The following ZNF365 variants were observed in gnomAD, a reference collection of about 807,000 sequenced individuals.
ZNF365 encodes the protein zinc finger protein 365.
A neutral mutation model predicts 35.0 loss-of-function variants in ZNF365; 22 were observed. That is an observed-to-expected ratio of 0.63 (90% CI 0.45 to 0.90). The LOEUF (loss-of-function observed/expected upper bound fraction) is 0.90, where lower values mean the gene tolerates loss of function less well. ZNF365 is among the 40% of genes least tolerant of loss of function. ZNF365 has a pLI of 0.00. For synonymous variants in ZNF365, 188 were observed against 196.2 expected, an observed-to-expected ratio of 0.96 and a Z score of 0.35; for missense variants, 448 against 500.3, an observed-to-expected ratio of 0.90 and a Z score of 1.00.
intron 3 of ZNF365, among the ~76,000 whole-genome samples, chr10:62,397,273 C>CT (rs66507720): frequency 2.0e-5 from 3 of 149,514 alleles, no homozygotes; most frequent in Admixed American, 6.6e-5. Flanking sequence ...CCTGAGCCTC[C>CT]TTTTTTTTTT....
intron 3 of ZNF365, among the ~76,000 whole-genome samples, chr10:62,439,305 G>A (rs1840456176): frequency 6.7e-6 from 1 of 149,636 alleles, no homozygotes; most frequent in African/African-American, 2.5e-5. Context: ...CCTTCATTGT[G>A]TTTATTCCAG....
chr10:62,389,824 G>A (rs1436707318), intron 3 of ZNF365, among the ~76,000 whole-genome samples: 1 of 152,218 alleles, frequency 6.6e-6, no homozygotes, highest in Non-Finnish European at 1.5e-5. Flanking sequence ...TTACATCTGT[G>A]AGGTTTCAGG....
chr10:62,474,864 A>G (rs956645328), intron 4 of ZNF365, among the ~76,000 whole-genome samples: 4 of 152,156 alleles, frequency 2.6e-5, no homozygotes, highest in African/African-American at 9.7e-5. Flanking sequence ...CTTGTCTCTG[A>G]TTGTATGTTT....
At chr10:62,434,883 T>C (rs1293965648) in intron 3 of ZNF365, among the ~76,000 whole-genome samples, 2 of 152,174 alleles carry the variant, frequency 1.3e-5, no homozygotes, top group African/African-American at 4.8e-5. Flanking sequence ...TCAGTATTAT[T>C]TATTGAGGAA....
chr10:62,469,594 T>G (rs946879716), intron 4 of ZNF365, among the ~76,000 whole-genome samples: 1 of 152,190 alleles, frequency 6.6e-6, no homozygotes, highest in South Asian at 2.1e-4. Context: ...TCTGTGAACT[T>G]TTTGAAGTCT....
At chr10:62,376,996 T>G (rs1839348703) in intron 2 of ZNF365, 60 bp downstream of exon 2, 2 of 1,535,102 alleles carry the variant, frequency 1.3e-6, no homozygotes, top group Admixed American at 4.1e-5. Flanking sequence ...CCAATCGCCT[T>G]ACAAGCAAAT....
At chr10:62,471,592 C>T (rs1343685822) in intron 4 of ZNF365, among the ~76,000 whole-genome samples, 1 of 152,078 alleles carries the variant, frequency 6.6e-6, no homozygotes, top group Non-Finnish European at 1.5e-5. Flanking sequence ...TGTTGATATT[C>T]ATATTAATTT....
In ZNF365 at chr10:62,399,652, A is replaced by G. The variant is rs200441783; in HGVS notation, c.1087A>G (p.Ile363Val). The change falls in exon 5 of 5, where the codon ATT becomes GTT. Residue 363 changes from isoleucine to valine, a missense_variant. Physicochemically the swap from Ile to Val is conservative, Grantham distance 29. Coordinates refer to ENST00000395254, the MANE Select transcript of ZNF365 (RefSeq NM_014951.3). ...DRASMQPAKA[I>V]HEQAESSRDL... ...AGCCAGCATGCAGCCTGCCAAGGCC[A>G]TTCACGAACAGGCTGAGTCCTCAAG... is the stretch of plus-strand genomic sequence containing the variant. 1.2e-6 allele frequency: 2 copies of G among 1,614,200 alleles called. No individual in the cohort carries two copies. The highest frequency in any genetic ancestry group is 8.5e-7 in the Non-Finnish European group (1 of 1,180,042).
chr10:62,381,837 G>T (rs1007179528), intron 2 of ZNF365, among the ~76,000 whole-genome samples: 11 of 152,144 alleles, frequency 7.2e-5, no homozygotes, highest in African/African-American at 2.7e-4. Context: ...CTACTCCCTT[G>T]CAGGCAGTGA....
chr10:62,457,348 T>C (rs889568643), intron 3 of ZNF365, among the ~76,000 whole-genome samples: 10 of 152,192 alleles, frequency 6.6e-5, no homozygotes, highest in African/African-American at 2.4e-4. Context: ...CTTAAGCAGA[T>C]GGGGTTGGCT....
At chr10:62,454,798 C>T (rs1363865390) in intron 3 of ZNF365, among the ~76,000 whole-genome samples, 1 of 152,130 alleles carries the variant, frequency 6.6e-6, no homozygotes, top group Non-Finnish European at 1.5e-5. Flanking sequence ...GATGCCACAC[C>T]CTCAAGGAGC....
chr10:62,454,861 A>T (rs1238289070), intron 3 of ZNF365, among the ~76,000 whole-genome samples: 1 of 152,198 alleles, frequency 6.6e-6, no homozygotes, highest in Non-Finnish European at 1.5e-5. Context: ...GTTCAGTAGA[A>T]CAGGCTCTGA....
At chr10:62,416,767 G>A (rs1840083223) in intron 3 of ZNF365, among the ~76,000 whole-genome samples, 1 of 151,916 alleles carries the variant, frequency 6.6e-6, no homozygotes. Context: ...CTTACTAGTT[G>A]GGCATCCCTA....
At chr10:62,394,405 C>G (rs1839687195) in intron 3 of ZNF365, among the ~76,000 whole-genome samples, 1 of 152,158 alleles carries the variant, frequency 6.6e-6, no homozygotes, top group African/African-American at 2.4e-5. Flanking sequence ...GTTCTGCACC[C>G]CAGTAAATAT....
downstream of ZNF365, among the ~76,000 whole-genome samples, chr10:62,404,087 G>A (rs1839870609): frequency 6.6e-6 from 1 of 151,922 alleles, no homozygotes; most frequent in African/African-American, 2.4e-5. Flanking sequence ...ATAGCCCTAT[G>A]TTAAATTTAC....
At chr10:62,421,603 C>T (rs76635596) in intron 3 of ZNF365, among the ~76,000 whole-genome samples, 56 of 152,284 alleles carry the variant, frequency 3.7e-4, no homozygotes, top group Admixed American at 7.8e-4. Context: ...GACAGCCTCC[C>T]GACATTGGCA....
At chr10:62,413,292 A>G (rs545004926) in intron 3 of ZNF365, among the ~76,000 whole-genome samples, 4 of 152,270 alleles carry the variant, frequency 2.6e-5, no homozygotes, top group South Asian at 2.1e-4. Flanking sequence ...CAGGCTAAAC[A>G]TATTTCCCTA....
At chr10:62,405,760 G>T (rs1467649387), downstream of ZNF365, among the ~76,000 whole-genome samples, 1 of 152,136 alleles carries the variant, frequency 6.6e-6, no homozygotes, top group Non-Finnish European at 1.5e-5. Context: ...ATTTCACATT[G>T]GTTGTTTGCT....
At chr10:62,465,066 T>A (rs909698743) in intron 4 of ZNF365, among the ~76,000 whole-genome samples, 2 of 152,206 alleles carry the variant, frequency 1.3e-5, no homozygotes, top group Admixed American at 1.3e-4. Flanking sequence ...CAAGCATCCC[T>A]TTGCTCTCAG....
Sources: allele counts gnomAD v4.1 joint callset (sites outside exome capture counted in the v4.1 genomes callset), GRCh38; gene constraint gnomAD v4.1.1; transcripts MANE v1.5; gene names NCBI Gene and HGNC (gene_info 2026-07-23, HGNC 2026-07-21).